TMPRSS7: variants seen among roughly 807,000 people sequenced by gnomAD.
TMPRSS7 encodes the protein transmembrane protease serine 7.
A neutral mutation model predicts 95.6 loss-of-function variants in TMPRSS7; 81 were observed. The ratio of observed to expected loss-of-function variants is 0.85; its 90% CI spans 0.71 to 1.02. The LOEUF (loss-of-function observed/expected upper bound fraction) is 1.02. Among genes scored for constraint, TMPRSS7 ranks in the 50% least tolerant of loss-of-function variants. The pLI, the probability that TMPRSS7 is intolerant of heterozygous loss-of-function variation, is 0.00. For synonymous variants in TMPRSS7, 364 were observed against 337.8 expected (o/e 1.08, Z -0.85); for missense variants, 945 against 955.2 (o/e 0.99, Z 0.14).
chr3:112,055,575 G>A (rs1245007127), intron 9 of TMPRSS7, among the ~76,000 whole-genome samples: 2 of 151,962 alleles, frequency 1.3e-5, no homozygotes, highest in Non-Finnish European at 2.9e-5. Context: ...CAATAAGGTT[G>A]AATTACAAAG....
chr3:112,069,151 C>A (rs1214478668), intron 13 of TMPRSS7, among the ~76,000 whole-genome samples: 1 of 152,144 alleles, frequency 6.6e-6, no homozygotes, highest in African/African-American at 2.4e-5. Context: ...GTTGAACCAG[C>A]CTTGTGTCCC....
chr3:112,054,289 C>T (rs1355928069), intron 9 of TMPRSS7, among the ~76,000 whole-genome samples: 1 of 152,184 alleles, frequency 6.6e-6, no homozygotes, highest in Non-Finnish European at 1.5e-5. Flanking sequence ...GAAAATTCCT[C>T]CCTTTACTTG....
chr3:112,067,292 G>A (rs981526375), intron 13 of TMPRSS7, among the ~76,000 whole-genome samples: 22 of 152,160 alleles, frequency 1.4e-4, no homozygotes, highest in African/African-American at 4.3e-4. Flanking sequence ...ATAAACATAC[G>A]TGTGTATGTG....
intron 13 of TMPRSS7, among the ~76,000 whole-genome samples, chr3:112,070,305 G>C (rs2073627471): frequency 6.6e-6 from 1 of 152,212 alleles, no homozygotes; most frequent in South Asian, 2.1e-4. Flanking sequence ...TGTATATTCT[G>C]TTGATTTGGG....
At chr3:112,044,113 C>T (rs578020760) in intron 3 of TMPRSS7, 142 bp from the exon 4 acceptor site, 64 of 570,970 alleles carry the variant, frequency 1.1e-4, no homozygotes, top group South Asian at 7.5e-4. Flanking sequence ...GAAATAATGC[C>T]GGGGTGTGGA....
Position 112,041,906 on chromosome 3 carries a change from T to G in TMPRSS7, c.299-14T>G. The G allele has an allele frequency of 6.6e-7, 1 of 1,512,198 alleles. No homozygotes were observed. Among genetic ancestry groups the G allele is most frequent in the Non-Finnish European group, 9.0e-7 (1 of 1,111,234 alleles). The allele number at this position is 1,512,198 out of a possible 1,614,324, so 93.7% of individuals were successfully genotyped here. On this transcript the variant is annotated splice_polypyrimidine_tract_variant and intron_variant, in intron 2 of 17. Coordinates refer to ENST00000452346, the Ensembl canonical transcript of TMPRSS7. ...TGGGAAAGCCTCCGAATCTTGTTCT[T>G]TCCTATTTTACAGGTAAAACAGAAA...
chr3:112,044,471 C>T (rs2073251837), intron 4 of TMPRSS7, 149 bp downstream of exon 4: 2 of 675,012 alleles, frequency 3.0e-6, no homozygotes. Flanking sequence ...AGCGACTCAA[C>T]TCACTGCCCT....
chr3:112,079,570 CG>C (rs1256293186), intron 17 of TMPRSS7, among the ~76,000 whole-genome samples: 1 of 152,024 alleles, frequency 6.6e-6, no homozygotes, highest in African/African-American at 2.4e-5. Context: ...CATTAGTGTT[CG>C]TACATTTTAT....
intron 10 of TMPRSS7, among the ~76,000 whole-genome samples, chr3:112,057,821 G>T (rs1027396970): frequency 6.6e-6 from 1 of 152,136 alleles, no homozygotes; most frequent in East Asian, 1.9e-4. Context: ...TGCCTCCTGG[G>T]TTCAAGCAAT....
chr3:112,058,283 A>G (rs2073456667), intron 10 of TMPRSS7, among the ~76,000 whole-genome samples: 1 of 152,184 alleles, frequency 6.6e-6, no homozygotes, highest in Non-Finnish European at 1.5e-5. Flanking sequence ...ACATTCTTGG[A>G]TTCACTATTA....
At chr3:112,066,203 G>A (rs74966366) in intron 12 of TMPRSS7, among the ~76,000 whole-genome samples, 189 bp from the exon 13 acceptor site, 58 of 152,238 alleles carry the variant, frequency 3.8e-4, no homozygotes, top group Admixed American at 1.6e-3. Flanking sequence ...CTGACAAAAC[G>A]TGCTAGAAAT....
chr3:112,047,409 A>G, intron 6 of TMPRSS7: 1 of 564,798 alleles, frequency 1.8e-6, no homozygotes, highest in Non-Finnish European at 3.4e-6. Context: ...CTCTTGCAGA[A>G]GTCCTGGGGC....
intron 3 of TMPRSS7, among the ~76,000 whole-genome samples, chr3:112,042,288 C>T (rs945332380): frequency 4.6e-5 from 7 of 152,176 alleles, no homozygotes; most frequent in African/African-American, 1.7e-4. Flanking sequence ...CTCTCAGCTT[C>T]AGTTCTTCTG....
chr3:112,069,326 G>T (rs2073613498), intron 13 of TMPRSS7, among the ~76,000 whole-genome samples: 1 of 152,182 alleles, frequency 6.6e-6, no homozygotes, highest in Admixed American at 6.5e-5. Flanking sequence ...GTATCAGGAT[G>T]ATGCTGGCCT....
intron 13 of TMPRSS7, among the ~76,000 whole-genome samples, chr3:112,067,615 G>A (rs1233857268): frequency 6.6e-6 from 1 of 152,196 alleles, no homozygotes; most frequent in Non-Finnish European, 1.5e-5. Context: ...TCTGTTGGCT[G>A]CATAAATGTC....
chr3:112,050,671 A>G, exon 9 of TMPRSS7: 3 of 1,572,352 alleles, frequency 1.9e-6, no homozygotes, highest in Non-Finnish European at 2.6e-6. Context: ...TCTTTTCCAG[A>G]GTGTGAAAAC....
chr3:112,073,362 G>A (rs2073674189), intron 13 of TMPRSS7, among the ~76,000 whole-genome samples: 1 of 152,094 alleles, frequency 6.6e-6, no homozygotes, highest in Admixed American at 6.5e-5. Flanking sequence ...CCAAAGTGCT[G>A]GGATTACAGG....
chr3:112,079,829 G>A (rs185800085), intron 17 of TMPRSS7, among the ~76,000 whole-genome samples: 1 of 152,210 alleles, frequency 6.6e-6, no homozygotes, highest in Admixed American at 6.5e-5. Flanking sequence ...TCATTTTATA[G>A]AAGAGGAAAC....
At chr3:112,051,425 G>T (rs1477078301) in intron 9 of TMPRSS7, among the ~76,000 whole-genome samples, 1 of 151,890 alleles carries the variant, frequency 6.6e-6, no homozygotes, top group Non-Finnish European at 1.5e-5. Flanking sequence ...GTATCTGTAG[G>T]GTTCCTGGAA....
Sources: gnomAD v4.1 joint callset for allele counts (sites outside exome capture counted in the v4.1 genomes callset) on GRCh38, gnomAD v4.1.1 for gene constraint, MANE v1.5 for transcripts, NCBI Gene and HGNC (gene_info 2026-07-23, HGNC 2026-07-21) for gene names.